Variants in ERC2 observed in about 807,000 individuals in gnomAD.
The protein encoded by ERC2 is ERC protein 2.
Under a neutral mutation model 114.8 loss-of-function variants are expected in ERC2, and 42 were observed. The observed-to-expected ratio is 0.37, with a 90% CI of 0.29 to 0.47. ERC2 has a LOEUF of 0.47. Ranked by LOEUF, ERC2 falls within the 20% of genes least tolerant of loss-of-function variation. The pLI is 0.99. For missense variants in ERC2, 939 were observed against 1,150.7 expected (o/e 0.82, Z 2.66); for synonymous variants, 454 against 425.5 (o/e 1.07, Z -0.82).
chr3:55,600,456 C>A (rs937731192), intron 17 of ERC2, among the ~76,000 whole-genome samples: 1 of 152,176 alleles, frequency 6.6e-6, no homozygotes, highest in Admixed American at 6.5e-5. Context: ...CATAGAAGTA[C>A]CTCTCTGTCA....
intron 2 of ERC2, among the ~76,000 whole-genome samples, chr3:56,370,343 A>G (rs76979206): frequency 0.028 from 4,256 of 152,260 alleles, 66 homozygotes; most frequent in South Asian, 0.071. Flanking sequence ...GGACAATTGC[A>G]TTGCTCCGGA....
At chr3:56,409,902 AG>A (rs2107093203) in intron 2 of ERC2, among the ~76,000 whole-genome samples, 1 of 152,320 alleles carries the variant, frequency 6.6e-6, no homozygotes, top group African/African-American at 2.4e-5. Context: ...AGTCTTCACT[AG>A]AAAGTGCTGA....
intron 17 of ERC2, among the ~76,000 whole-genome samples, chr3:55,537,072 C>A (rs2054044894): frequency 6.6e-6 from 1 of 152,206 alleles, no homozygotes; most frequent in South Asian, 2.1e-4. Flanking sequence ...AAGTCACAGC[C>A]TTTAATTGAC....
chr3:55,988,278 G>T (rs1016956120), intron 11 of ERC2, among the ~76,000 whole-genome samples: 1 of 152,164 alleles, frequency 6.6e-6, no homozygotes, highest in Non-Finnish European at 1.5e-5. Flanking sequence ...AACTCTCAGA[G>T]ACTTGCTCAA....
chr3:55,849,235 C>A (rs59611401), intron 14 of ERC2, among the ~76,000 whole-genome samples: 12,773 of 151,358 alleles, frequency 0.084, 824 homozygotes, highest in African/African-American at 0.18. Flanking sequence ...ATTCTTTTGA[C>A]TGATCTGTGC....
chr3:56,052,514 G>C (rs1160731594), intron 7 of ERC2, among the ~76,000 whole-genome samples: 1 of 152,186 alleles, frequency 6.6e-6, no homozygotes, highest in East Asian at 1.9e-4. Flanking sequence ...TTGCAATGGA[G>C]GCCATCTGGC....
intron 2 of ERC2, among the ~76,000 whole-genome samples, chr3:56,379,362 T>C (rs2059664314): frequency 6.6e-6 from 1 of 152,132 alleles, no homozygotes; most frequent in Admixed American, 6.5e-5. Context: ...AAAACCAAAA[T>C]AACCTGGTGT....
intron 15 of ERC2, among the ~76,000 whole-genome samples, chr3:55,724,249 C>G (rs1312872595): frequency 1.3e-5 from 2 of 152,186 alleles, no homozygotes; most frequent in South Asian, 4.1e-4. Context: ...GTCGCCCTTC[C>G]CAGCCTGCAC....
chr3:55,635,069 C>T (rs942108859), intron 17 of ERC2, among the ~76,000 whole-genome samples: 4 of 151,924 alleles, frequency 2.6e-5, no homozygotes, highest in Admixed American at 6.6e-5. Context: ...TTAGTAGAGA[C>T]GGGGTTTCAC....
At chr3:55,716,159 A>G (rs1434058247) in intron 15 of ERC2, among the ~76,000 whole-genome samples, 1 of 152,160 alleles carries the variant, frequency 6.6e-6, no homozygotes, top group Non-Finnish European at 1.5e-5. Context: ...GTGGCTCCCT[A>G]TGTCATGTGC....
chr3:55,916,887 G>A (rs780215058), intron 13 of ERC2, among the ~76,000 whole-genome samples: 1 of 152,196 alleles, frequency 6.6e-6, no homozygotes, highest in Non-Finnish European at 1.5e-5. Flanking sequence ...ATTTAGGACA[G>A]GGGTGGGCAC....
rs766120584 is a variant in ERC2, at chr3:56,173,476, C to T, written c.1119G>A (p.Thr373=). 22 of 1,613,828 alleles carry T rather than the reference C, an allele frequency of 1.4e-5. No individual in the cohort carries two copies. The highest frequency in any genetic ancestry group is 8.8e-5 in the South Asian group (8 of 91,082). Residue 373 remains threonine, a synonymous_variant, in exon 4 of 18, where the codon ACG becomes ACA. Transcript: ENST00000288221. ...RSQLQPEPAK[T]KALQTVIEMK... ...TTTCGATGACAGTCTGGAGAGCCTT[C>T]GTCTTGGCTGGCTCCGGCTGAAGTT...
intron 13 of ERC2, among the ~76,000 whole-genome samples, chr3:55,931,907 T>C (rs1320875627): frequency 6.6e-6 from 1 of 152,190 alleles, no homozygotes; most frequent in Non-Finnish European, 1.5e-5. Context: ...TTAAGCTGTT[T>C]TCTGCATTTG....
chr3:56,141,350 G>A (rs546027662), intron 5 of ERC2, among the ~76,000 whole-genome samples: 1 of 152,146 alleles, frequency 6.6e-6, no homozygotes, highest in Non-Finnish European at 1.5e-5. Context: ...ACCTGTTATA[G>A]CCCTAGCCTA....
At chr3:56,269,560 T>C (rs2053528694) in intron 3 of ERC2, among the ~76,000 whole-genome samples, 1 of 152,174 alleles carries the variant, frequency 6.6e-6, no homozygotes, top group Admixed American at 6.5e-5. Context: ...AGGTGATGTC[T>C]TAGCAACATA....
intron 3 of ERC2, among the ~76,000 whole-genome samples, chr3:56,256,475 G>A (rs1414810162): frequency 2.0e-5 from 3 of 152,052 alleles, no homozygotes; most frequent in Non-Finnish European, 2.9e-5. Flanking sequence ...TGTCGAGAGA[G>A]TTTGCTCTTG....
At chr3:56,273,010 A>G (rs746734585) in intron 3 of ERC2, among the ~76,000 whole-genome samples, 4 of 152,232 alleles carry the variant, frequency 2.6e-5, no homozygotes, top group Non-Finnish European at 5.9e-5. Context: ...TTTCCTTCAT[A>G]GCATCAGCTG....
At chr3:56,062,168 T>C (rs1372270984) in intron 7 of ERC2, among the ~76,000 whole-genome samples, 1 of 152,194 alleles carries the variant, frequency 6.6e-6, no homozygotes, top group Non-Finnish European at 1.5e-5. Context: ...GTTTCTTTTT[T>C]AAAAGAAGTA....
chr3:56,278,576 C>T (rs904985331), intron 3 of ERC2, among the ~76,000 whole-genome samples: 1 of 152,148 alleles, frequency 6.6e-6, no homozygotes, highest in Non-Finnish European at 1.5e-5. Flanking sequence ...CTGTTTTAGT[C>T]CATATTTGTG....
Sources: allele counts gnomAD v4.1 joint callset (sites outside exome capture counted in the v4.1 genomes callset), GRCh38; gene constraint gnomAD v4.1.1; transcripts MANE v1.5; gene names NCBI Gene and HGNC (gene_info 2026-07-23, HGNC 2026-07-21).